The following PPM1H variants were observed in gnomAD, a reference collection of about 807,000 sequenced individuals.
PPM1H encodes the protein protein phosphatase, Mg2+/Mn2+ dependent 1H, also known as protein phosphatase 1H.
In PPM1H, 27 loss-of-function variants were observed where a neutral mutation model predicts 54.9. That is an observed-to-expected ratio of 0.49 (90% CI 0.36 to 0.68). The LOEUF is 0.68. Among genes scored for constraint, PPM1H ranks in the 30% least tolerant of loss-of-function variants. The probability of loss-of-function intolerance (pLI) is 0.00; values close to 1 mark genes in which losing one functional copy is unlikely to be tolerated. For synonymous variants in PPM1H, 305 were observed against 270.8 expected (o/e 1.13, Z -1.24); for missense variants, 596 against 667.8 (o/e 0.89, Z 1.19).
intron 2 of PPM1H, among the ~76,000 whole-genome samples, chr12:62,802,446 T>A (rs1187527858): frequency 6.6e-6 from 1 of 152,154 alleles, no homozygotes; most frequent in African/African-American, 2.4e-5. Context: ...GATCATACAC[T>A]AAGCTACTAC....
intron 8 of PPM1H, among the ~76,000 whole-genome samples, chr12:62,673,715 C>CTT (rs567775927): frequency 0.13 from 5,263 of 41,696 alleles, 1,563 homozygotes; most frequent in Non-Finnish European, 0.13. Flanking sequence ...AAGAGCCACT[C>CTT]TTTTTTTTTT....
At chr12:62,700,331 C>CT (rs2076137225) in intron 6 of PPM1H, among the ~76,000 whole-genome samples, 1 of 152,148 alleles carries the variant, frequency 6.6e-6, no homozygotes, top group Non-Finnish European at 1.5e-5. Flanking sequence ...TTTTTCCTCT[C>CT]TCACTCCCTT....
At chr12:62,771,901 AAC>A (rs2120651026) in intron 4 of PPM1H, among the ~76,000 whole-genome samples, 1 of 152,328 alleles carries the variant, frequency 6.6e-6, no homozygotes, top group African/African-American at 2.4e-5. Flanking sequence ...CAGTTCTCAG[AAC>A]ACAGTAGGAA....
At chr12:62,753,073 A>G (rs1385830867) in intron 4 of PPM1H, among the ~76,000 whole-genome samples, 3 of 152,204 alleles carry the variant, frequency 2.0e-5, no homozygotes, top group African/African-American at 2.4e-5. Flanking sequence ...AGTCATGTCT[A>G]TATGCTAGTT....
At chr12:62,760,813 G>A (rs2076504193) in intron 4 of PPM1H, among the ~76,000 whole-genome samples, 1 of 152,182 alleles carries the variant, frequency 6.6e-6, no homozygotes, top group South Asian at 2.1e-4. Context: ...CCTATAAAAG[G>A]TGAGTAAATG....
At position 62,788,977 on chromosome 12, in the gene PPM1H, C is replaced by T. The variant is rs549202214; in HGVS notation, c.757-639G>A. ...CTGTGCTGAAGCAATCTGCCTGCCT[C>T]GGCCTCCCAAAGTGCTGGGATTACA... On this transcript the variant is annotated intron_variant, in intron 3 of 9. Transcript: ENST00000228705. 9.2e-5 allele frequency among the ~76,000 whole-genome samples: 14 copies of T among 152,034 alleles called. No individual in the cohort carries two copies. The East Asian group carries it at 2.1e-3, about 23-fold the overall frequency.
At chr12:62,750,178 A>C (rs1371690581) in intron 4 of PPM1H, among the ~76,000 whole-genome samples, 1 of 152,132 alleles carries the variant, frequency 6.6e-6, no homozygotes, top group Non-Finnish European at 1.5e-5. Flanking sequence ...TTTTTGGTAC[A>C]TTCTCAGGGT....
intron 8 of PPM1H, among the ~76,000 whole-genome samples, chr12:62,674,665 T>C (rs1188025454): frequency 6.6e-6 from 1 of 152,218 alleles, no homozygotes; most frequent in Non-Finnish European, 1.5e-5. Context: ...CTTTATTCAT[T>C]CAGTTTCAAA....
intron 5 of PPM1H, among the ~76,000 whole-genome samples, chr12:62,736,604 A>C (rs1053135518): frequency 2.0e-5 from 3 of 152,250 alleles, no homozygotes; most frequent in Non-Finnish European, 4.4e-5. Context: ...GCTGCTTTCT[A>C]AATCAACCAA....
chr12:62,774,127 A>T (rs1425753202), intron 4 of PPM1H, among the ~76,000 whole-genome samples: 3 of 152,218 alleles, frequency 2.0e-5, no homozygotes, highest in Admixed American at 2.0e-4. Flanking sequence ...CCCAAATTTC[A>T]GAGCTGGAAA....
chr12:62,655,156 G>A (rs537841876), intron 9 of PPM1H, among the ~76,000 whole-genome samples: 36 of 152,292 alleles, frequency 2.4e-4, no homozygotes, highest in African/African-American at 8.4e-4. Context: ...GAAGTCACTC[G>A]CAGGAGCTTT....
intron 8 of PPM1H, among the ~76,000 whole-genome samples, chr12:62,669,863 CA>C (rs1308728629): frequency 1.3e-5 from 2 of 150,504 alleles, no homozygotes; most frequent in African/African-American, 2.5e-5. Context: ...TGCTTGAACC[CA>C]GGATTTTGAG....
In PPM1H at chr12:62,844,001, C is replaced by T. The variant is rs117276015; in HGVS notation, c.246-11722G>A. ...TAGCCCTTGAGGTCTCAGAATAACC[C>T]ATCTGAGTTTCATTTTAGGCAAACT... On this transcript the variant is annotated intron_variant, in intron 1 of 9. Coordinates refer to ENST00000228705, the MANE Select transcript of PPM1H (RefSeq NM_020700.2). The surrounding 1 kb of genome is among the most constrained non-coding windows in gnomAD (Gnocchi z 5.2). 6.6e-6 allele frequency among the ~76,000 whole-genome samples: 1 copy of T among 152,134 alleles called. No homozygotes were observed. Among genetic ancestry groups the T allele is most frequent in the Non-Finnish European group, 1.5e-5 (1 of 68,024 alleles).
chr12:62,916,538 G>A lies in PPM1H; in HGVS notation c.245+17954C>T, dbSNP rs1235543899. On this transcript the variant is annotated intron_variant, in intron 1 of 9. Coordinates refer to ENST00000228705, the MANE Select transcript of PPM1H (RefSeq NM_020700.2). ...ACAGAGCTGCAAAACTGGCTTTACT[G>A]ATGAGGTAAATCACTGCTTTGAGAT... 2.0e-5 allele frequency among the ~76,000 whole-genome samples: 3 copies of A among 152,024 alleles called. No homozygotes were observed. The South Asian group carries it at 6.2e-4, about 32-fold the overall frequency.
intron 1 of PPM1H, among the ~76,000 whole-genome samples, chr12:62,834,743 A>G (rs534453300): frequency 2.3e-4 from 35 of 152,164 alleles, no homozygotes; most frequent in Non-Finnish European, 4.6e-4. Context: ...GTAGTACAGA[A>G]CATGCATTCG....
intron 1 of PPM1H, among the ~76,000 whole-genome samples, chr12:62,837,245 T>G (rs139141418): frequency 1.2e-4 from 18 of 152,176 alleles, no homozygotes; most frequent in African/African-American, 4.1e-4. Flanking sequence ...AAACCTGACT[T>G]CAAGGACACT....
At chr12:62,794,619 G>A (rs1334290415) in intron 3 of PPM1H, among the ~76,000 whole-genome samples, 2 of 152,128 alleles carry the variant, frequency 1.3e-5, no homozygotes, top group African/African-American at 4.8e-5. Context: ...TAGTTAACAG[G>A]TTAAAACGGT....
At chr12:62,809,318 T>C (rs1290263712) in intron 2 of PPM1H, among the ~76,000 whole-genome samples, 1 of 152,206 alleles carries the variant, frequency 6.6e-6, no homozygotes, top group East Asian at 1.9e-4. Context: ...CCCAAAGTGC[T>C]GGGATCACAG....
chr12:62,652,050 T>C (rs2075819573), intron 9 of PPM1H, among the ~76,000 whole-genome samples: 1 of 152,204 alleles, frequency 6.6e-6, no homozygotes, highest in South Asian at 2.1e-4. Flanking sequence ...TCAATGATCA[T>C]TAATTTCTTT....
Sources: allele counts gnomAD v4.1 joint callset (sites outside exome capture counted in the v4.1 genomes callset), GRCh38; gene constraint gnomAD v4.1.1; non-coding constraint Gnocchi (gnomAD v3.1); transcripts MANE v1.5; gene names NCBI Gene and HGNC (gene_info 2026-07-23, HGNC 2026-07-21).